DOP1B: variants seen among roughly 807,000 people sequenced by gnomAD.
The protein encoded by DOP1B is DOP1 leucine zipper like protein B.
In DOP1B, 174 loss-of-function variants were observed where a neutral mutation model predicts 233.5. The observed-to-expected ratio is 0.75, with a 90% CI of 0.66 to 0.85. The LOEUF (loss-of-function observed/expected upper bound fraction) is 0.85. DOP1B is among the 40% of genes least tolerant of loss of function. The probability of loss-of-function intolerance (pLI) is 0.00; values close to 1 mark genes in which losing one functional copy is unlikely to be tolerated. For missense variants in DOP1B, 2,652 were observed against 2,846.6 expected (o/e 0.93, Z 1.56); for synonymous variants, 1,190 against 1,185.6 (o/e 1.00, Z -0.08).
At chr21:36,280,736 G>T (rs2146247976) in intron 31 of DOP1B, among the ~76,000 whole-genome samples, 1 of 152,310 alleles carries the variant, frequency 6.6e-6, no homozygotes, top group African/African-American at 2.4e-5. Context: ...GGGCACGGTG[G>T]CTCACGCCTG....
At chr21:36,263,925 T>G in intron 26 of DOP1B, 111 bp downstream of exon 26, 1 of 1,112,116 alleles carries the variant, frequency 9.0e-7, no homozygotes, top group Non-Finnish European at 1.3e-6. Flanking sequence ...AATCTGAGGT[T>G]AGCTTTGCAC....
Position 36,245,559 on chromosome 21 carries a change from C to T in DOP1B, c.3579C>T (p.Ser1193=). The T allele has an allele frequency of 6.2e-7, 1 of 1,613,516 alleles. No homozygotes were observed. Among genetic ancestry groups the T allele is most frequent in the Non-Finnish European group, 8.5e-7 (1 of 1,179,988 alleles). ...AGACGCAGGCTTCTGAGTCGTTCTCCAGCGACGAGGAGGCGGACTTGGAGC... is the reference window on the plus strand; with the variant it reads ...AGACGCAGGCTTCTGAGTCGTTCTCTAGCGACGAGGAGGCGGACTTGGAGC... ...SDKTQASESF[S]SDEEADLELQ... Residue 1193 remains serine (S), a synonymous_variant, in exon 19 of 37, where the codon TCC becomes TCT. Coordinates refer to ENST00000691173, the MANE Select transcript of DOP1B (RefSeq NM_001320714.2). The surrounding 1 kb of genome is among the most constrained non-coding windows in gnomAD (Gnocchi z 5.5).
intron 7 of DOP1B, among the ~76,000 whole-genome samples, chr21:36,213,374 A>G (rs1247005606): frequency 6.6e-6 from 1 of 152,096 alleles, no homozygotes; most frequent in East Asian, 1.9e-4. Context: ...TGCCCATACC[A>G]TGAGGATGCA....
intron 2 of DOP1B, among the ~76,000 whole-genome samples, chr21:36,194,485 C>T (rs372419645): frequency 3.2e-5 from 4 of 124,570 alleles, no homozygotes; most frequent in Non-Finnish European, 5.1e-5. Flanking sequence ...CTCTCTCTCT[C>T]TCTTTTTTTT....
chr21:36,196,874 G>A (rs1449395714), intron 2 of DOP1B, among the ~76,000 whole-genome samples: 4 of 152,130 alleles, frequency 2.6e-5, no homozygotes, highest in African/African-American at 7.2e-5. Context: ...AACCATGATC[G>A]CACACTTGCT....
intron 23 of DOP1B, among the ~76,000 whole-genome samples, chr21:36,254,780 C>T (rs1601453544): frequency 6.6e-6 from 1 of 151,910 alleles, no homozygotes; most frequent in South Asian, 2.1e-4. Flanking sequence ...CTTTCTCGGA[C>T]AAGTGTTTGA....
intron 5 of DOP1B, 69 bp from the exon 6 acceptor site, chr21:36,211,484 A>G (rs1346102045): frequency 1.4e-6 from 2 of 1,403,032 alleles, no homozygotes; most frequent in African/African-American, 2.9e-5. Flanking sequence ...ATTCCCGGGA[A>G]AGGTTACTTT....
At chr21:36,191,905 A>G (rs924098003) in intron 2 of DOP1B, among the ~76,000 whole-genome samples, 7 of 152,078 alleles carry the variant, frequency 4.6e-5, no homozygotes, top group East Asian at 1.9e-4. Flanking sequence ...CCTAAAGTTG[A>G]CCATTCTAAC....
At chr21:36,265,761 G>A (rs868297409) in intron 26 of DOP1B, among the ~76,000 whole-genome samples, 6 of 152,090 alleles carry the variant, frequency 3.9e-5, no homozygotes, top group African/African-American at 2.4e-5. Flanking sequence ...TGTTTTGAGC[G>A]ACACCCTATG....
intron 28 of DOP1B, 97 bp from the exon 29 acceptor site, chr21:36,277,878 G>A: frequency 1.1e-6 from 1 of 930,002 alleles, no homozygotes; most frequent in Middle Eastern, 3.1e-4. Flanking sequence ...CCAGCCTCAA[G>A]TGATCCGCCC....
intron 9 of DOP1B, among the ~76,000 whole-genome samples, chr21:36,215,571 A>C (rs2066549968): frequency 6.6e-6 from 1 of 151,564 alleles, no homozygotes; most frequent in Non-Finnish European, 1.5e-5. Context: ...TGCCTGGCTA[A>C]TTTTTGTATT....
rs1320225120 is a variant in DOP1B, at chr21:36,245,309, C to G, written c.3329C>G (p.Thr1110Ser). ...AHGAPDSSEH[T>S]ESADTSSCHT... ...GGCGCCCCGGACAGCAGCGAGCACACCGAGTCTGCAGATACAAGCTCCTGC... is the reference window on the plus strand; with the variant it reads ...GGCGCCCCGGACAGCAGCGAGCACAGCGAGTCTGCAGATACAAGCTCCTGC... The change falls in exon 19 of 37, where the codon ACC becomes AGC. Residue 1110 changes from threonine (T) to serine (S), a missense_variant. Thr to Ser is a moderately conservative substitution (Grantham distance 58). This residue lies in a region of DOP1B where 2,617 missense variants were observed against 2,794.3 expected (regional missense o/e 0.94). Transcript: ENST00000691173. This position sits in a 1 kb window ranked among gnomAD's most constrained non-coding sequence, Gnocchi z 5.5. The G allele has an allele frequency of 6.2e-7, 1 of 1,614,120 alleles. No homozygotes were observed. The highest frequency in any genetic ancestry group is 1.1e-5 in the South Asian group (1 of 91,090).
intron 17 of DOP1B, 21 bp downstream of exon 17, chr21:36,238,722 A>T (rs1283314630): frequency 6.2e-7 from 1 of 1,612,024 alleles, no homozygotes; most frequent in East Asian, 2.2e-5. Flanking sequence ...CTTCGTTATG[A>T]TCTACCGTTA....
chr21:36,164,877 T>G lies in DOP1B; in HGVS notation c.138+6T>G. 6.3e-7 allele frequency: 1 copy of G among 1,598,384 alleles called. No homozygotes were observed. The highest frequency in any genetic ancestry group is 8.5e-7 in the Non-Finnish European group (1 of 1,173,200). On this transcript the variant is annotated splice_donor_region_variant and intron_variant, in intron 2 of 36. Transcript: ENST00000691173. The stretch of plus-strand genomic sequence containing the variant: ...CACTTGGCAAACTCAACAAGGTATG[T>G]AGGGTGTATCCTATTTGGATTGCAT...
chr21:36,199,210 C>A lies in DOP1B; in HGVS notation c.279C>A (p.Ile93=). ...AAACCTACGAGATTATCTTTAAAAT[C>A]GTGGGGACCAAATGGCTGGCCAAGG... is the stretch of plus-strand genomic sequence containing the variant. ...ALETYEIIFK[I]VGTKWLAKDL... Residue 93 remains isoleucine (I), a synonymous_variant, in exon 3 of 37, where the codon ATC becomes ATA. Transcript: ENST00000691173. The A allele has an allele frequency of 6.2e-7, 1 of 1,614,118 alleles. No individual in the cohort carries two copies. Among genetic ancestry groups the A allele is most frequent in the Non-Finnish European group, 8.5e-7 (1 of 1,180,004 alleles).
Position 36,246,717 on chromosome 21 carries a change from A to G in DOP1B, c.4697+40A>G. ...TTGTGACATCTTTATTGCTTTAGTG[A>G]TGGTTTTTATAACGAATGACTGTTT... On this transcript the variant is annotated intron_variant, in intron 19 of 36. Transcript: ENST00000691173. The surrounding 1 kb of genome is among the most constrained non-coding windows in gnomAD (Gnocchi z 5.1). 6.4e-7 allele frequency: 1 copy of G among 1,566,390 alleles called. No individual in the cohort carries two copies. Among genetic ancestry groups the G allele is most frequent in the Non-Finnish European group, 8.7e-7 (1 of 1,151,530 alleles).
At chr21:36,167,220 T>C (rs1426916864) in intron 2 of DOP1B, among the ~76,000 whole-genome samples, 5 of 152,224 alleles carry the variant, frequency 3.3e-5, no homozygotes, top group Non-Finnish European at 5.9e-5. Flanking sequence ...TCACCCAGGC[T>C]GGAGTGCAGT....
At position 36,230,431 on chromosome 21, in the gene DOP1B, A is replaced by T. The variant is rs1370267504; in HGVS notation, c.1666-19A>T. 6.3e-7 allele frequency: 1 copy of T among 1,589,946 alleles called. No homozygotes were observed. The highest frequency in any genetic ancestry group is 8.6e-7 in the Non-Finnish European group (1 of 1,164,438). ...TGGTGTTAAGAGATGCACAATTCACATCTTTTTATTTTTTACAGAGTCCAG... is the reference window on the plus strand; with the variant it reads ...TGGTGTTAAGAGATGCACAATTCACTTCTTTTTATTTTTTACAGAGTCCAG... On this transcript the variant is annotated intron_variant, in intron 13 of 36. Coordinates refer to ENST00000691173, the MANE Select transcript of DOP1B (RefSeq NM_001320714.2).
At chr21:36,211,137 T>A (rs1291165109) in intron 5 of DOP1B, among the ~76,000 whole-genome samples, 1 of 152,272 alleles carries the variant, frequency 6.6e-6, no homozygotes, top group Non-Finnish European at 1.5e-5. Flanking sequence ...AGCGTTTGTC[T>A]GTGGCTCTAA....
Sources: gnomAD v4.1 joint callset for allele counts (sites outside exome capture counted in the v4.1 genomes callset) on GRCh38, gnomAD v4.1.1 for gene constraint, gnomAD v4.1.1 regional missense constraint, Gnocchi (gnomAD v3.1) non-coding constraint, MANE v1.5 for transcripts, NCBI Gene and HGNC (gene_info 2026-07-23, HGNC 2026-07-21) for gene names.